TOX3: variants seen among roughly 807,000 people sequenced by gnomAD.
TOX3 encodes CAG trinucleotide repeat-containing gene F9 protein.
Under a neutral mutation model 64.3 loss-of-function variants are expected in TOX3, and 22 were observed. The ratio of observed to expected loss-of-function variants is 0.34; its 90% confidence interval spans 0.24 to 0.49. The LOEUF (loss-of-function observed/expected upper bound fraction) is 0.49, where lower values mean the gene tolerates loss of function less well. Ranked by LOEUF, TOX3 falls within the 20% of genes least tolerant of loss-of-function variation. The pLI is 0.99. For missense variants in TOX3, 661 were observed against 714.4 expected, an observed-to-expected ratio of 0.93 and a Z score of 0.85; for synonymous variants, 291 against 273.6, an observed-to-expected ratio of 1.06 and a Z score of -0.63.
At chr16:52,492,382 CCAT>C (rs200427661) in intron 1 of TOX3, among the ~76,000 whole-genome samples, 3,615 of 144,806 alleles carry the variant, frequency 0.025, 126 homozygotes, top group East Asian at 0.19. Flanking sequence ...CACCTCCATC[CCAT>C]CATCAACAAT....
At chr16:52,501,676 AC>A (rs1221883994) in intron 1 of TOX3, among the ~76,000 whole-genome samples, 5,889 of 146,166 alleles carry the variant, frequency 0.04, 411 homozygotes, top group African/African-American at 0.15. Flanking sequence ...AAACAAACAA[AC>A]AAACAAAAAA....
chr16:52,445,922 G>T, intron 5 of TOX3, 72 bp downstream of exon 5: 1 of 1,401,358 alleles, frequency 7.1e-7, no homozygotes, highest in Non-Finnish European at 9.9e-7. Context: ...ACATGCACTT[G>T]GAAAAGGTGT....
At position 52,498,720 on chromosome 16, in the gene TOX3, T is replaced by C. The variant is rs192123371; in HGVS notation, c.88-30146A>G. Among the ~76,000 whole-genome samples the C allele has an allele frequency of 1.1e-4, 16 of 152,278 alleles. No individual in the cohort carries two copies. The East Asian group carries it at 3.1e-3, about 29-fold the overall frequency. On this transcript the variant is annotated intron_variant, in intron 1 of 6. Transcript: ENST00000219746. The stretch of plus-strand genomic sequence containing the variant: ...CCTCTGGAAACAAAGAGACATTCAG[T>C]GTAACTCATGATTAAAAGGGAAACC...
At chr16:52,530,660 T>C (rs1962831080) in intron 1 of TOX3, among the ~76,000 whole-genome samples, 1 of 151,964 alleles carries the variant, frequency 6.6e-6, no homozygotes, top group African/African-American at 2.4e-5. Flanking sequence ...TCTTTTTTTT[T>C]TTTCTTTTTT....
In TOX3 at chr16:52,439,790, G is replaced by A; in HGVS notation, c.1166C>T (p.Thr389Ile). The A allele has an allele frequency of 6.2e-7, 1 of 1,613,974 alleles. No homozygotes were observed. The highest frequency in any genetic ancestry group is 1.7e-5 in the Admixed American group (1 of 60,014). ...AATCTGGTTCATGGGGAGTCTCATGGTTAAGGGTTTGGGAGCGATTGACCT... is the reference window on the plus strand; with the variant it reads ...AATCTGGTTCATGGGGAGTCTCATGATTAAGGGTTTGGGAGCGATTGACCT... The part of the protein sequence containing the change: ...LPRSIAPKPL[T>I]MRLPMNQIVT... Residue 389 changes from threonine (T) to isoleucine (I), a missense_variant, in exon 7 of 7, where the codon ACC (threonine) becomes ATC (isoleucine). This residue lies in a region of TOX3 where 299 missense variants were observed against 292.1 expected (regional missense o/e 1.02). Coordinates refer to ENST00000219746, the MANE Select transcript of TOX3 (RefSeq NM_001080430.4).
chr16:52,461,232 CTGT>C (rs1197680802), intron 3 of TOX3, among the ~76,000 whole-genome samples: 1 of 152,090 alleles, frequency 6.6e-6, no homozygotes, highest in East Asian at 1.9e-4. Flanking sequence ...CCAAAATATA[CTGT>C]TGATTTTGAC....
At position 52,438,147 on chromosome 16, in the gene TOX3, A is replaced by G. The variant is rs1295888891; in HGVS notation, c.*1078T>C. 6.5e-6 allele frequency: 1 copy of G among 152,674 alleles called. No individual in the cohort carries two copies. Among genetic ancestry groups the G allele is most frequent in the Non-Finnish European group, 1.5e-5 (1 of 68,048 alleles). 9.5% of individuals were successfully genotyped at this position (152,674 alleles called of 1,614,324 possible). ...TGTTTTAGTTAAGCAAAATACAAAC[A>G]ACTTAATTGCTGCTATCATAACTCA... On this transcript the variant is annotated 3_prime_UTR_variant, in exon 7 of 7. Transcript: ENST00000219746.
At chr16:52,461,431 T>A (rs968196798) in intron 3 of TOX3, among the ~76,000 whole-genome samples, 1 of 152,136 alleles carries the variant, frequency 6.6e-6, no homozygotes, top group African/African-American at 2.4e-5. Flanking sequence ...CCTTTTTTGT[T>A]CCTGCCTTCT....
At chr16:52,452,804 A>G (rs1356856295) in intron 3 of TOX3, among the ~76,000 whole-genome samples, 1 of 152,256 alleles carries the variant, frequency 6.6e-6, no homozygotes, top group Non-Finnish European at 1.5e-5. Flanking sequence ...TATTAAATAC[A>G]TACATTTCCC....
intron 1 of TOX3, among the ~76,000 whole-genome samples, chr16:52,479,775 G>A (rs891178667): frequency 1.3e-5 from 2 of 152,150 alleles, no homozygotes; most frequent in East Asian, 1.9e-4. Flanking sequence ...TTTAGAAAGG[G>A]TTGTGACCTG....
intron 3 of TOX3, among the ~76,000 whole-genome samples, chr16:52,458,573 C>A (rs1033321334): frequency 1.3e-5 from 2 of 152,150 alleles, no homozygotes; most frequent in Admixed American, 6.6e-5. Flanking sequence ...CCACAGCCAG[C>A]CTTCTCATAA....
chr16:52,445,755 T>C (rs1960144319), intron 5 of TOX3: 1 of 452,790 alleles, frequency 2.2e-6, no homozygotes, highest in African/African-American at 2.0e-5. Context: ...ACTGCCTGGA[T>C]TTCTTCCAAC....
intron 1 of TOX3, among the ~76,000 whole-genome samples, chr16:52,477,130 G>A (rs1961230010): frequency 6.6e-6 from 1 of 152,094 alleles, no homozygotes; most frequent in Non-Finnish European, 1.5e-5. Context: ...CAAGAAAGAA[G>A]GCAGACAGAG....
intron 2 of TOX3, among the ~76,000 whole-genome samples, chr16:52,465,828 C>T (rs1344014647): frequency 6.6e-6 from 1 of 152,170 alleles, no homozygotes; most frequent in East Asian, 1.9e-4. Context: ...GGTGGGACAA[C>T]TGAACATCTT....
chr16:52,453,459 C>T (rs1397676137), intron 3 of TOX3, among the ~76,000 whole-genome samples: 1 of 152,192 alleles, frequency 6.6e-6, no homozygotes, highest in African/African-American at 2.4e-5. Context: ...GCTGGGATTA[C>T]AGGCATGAGG....
chr16:52,535,427 CCTT>C (rs1387500780), intron 1 of TOX3, among the ~76,000 whole-genome samples: 1 of 152,200 alleles, frequency 6.6e-6, no homozygotes, highest in Non-Finnish European at 1.5e-5. Context: ...TCCCCTTCGT[CCTT>C]CTTGCTGGTC....
chr16:52,519,169 C>T (rs550248150), intron 1 of TOX3, among the ~76,000 whole-genome samples: 18 of 152,322 alleles, frequency 1.2e-4, no homozygotes, highest in Non-Finnish European at 2.5e-4. Flanking sequence ...TGGGCTAATC[C>T]GTCTTCAGTT....
chr16:52,541,084 G>T (rs1466258425), intron 1 of TOX3, among the ~76,000 whole-genome samples: 3 of 152,014 alleles, frequency 2.0e-5, no homozygotes, highest in Admixed American at 1.3e-4. Context: ...CACAACCTTA[G>T]CATTGCCTGG....
At chr16:52,544,436 ATTTTTAC>A in intron 1 of TOX3, among the ~76,000 whole-genome samples, 1 of 152,334 alleles carries the variant, frequency 6.6e-6, no homozygotes, top group Non-Finnish European at 1.5e-5. Context: ...AGATAGTTAT[ATTTTTAC>A]TTGCAAGGAA....
Sources: gnomAD v4.1 joint callset for allele counts (sites outside exome capture counted in the v4.1 genomes callset) on GRCh38, gnomAD v4.1.1 for gene constraint, gnomAD v4.1.1 regional missense constraint, MANE v1.5 for transcripts, NCBI Gene and HGNC (gene_info 2026-07-23, HGNC 2026-07-21) for gene names.